Variants in USO1 observed in about 807,000 individuals in gnomAD.
The protein encoded by USO1 is general vesicular transport factor p115.
Under a neutral mutation model 124.5 loss-of-function variants are expected in USO1, and 57 were observed. The ratio of observed to expected loss-of-function variants is 0.46; its 90% confidence interval spans 0.37 to 0.57. The LOEUF (loss-of-function observed/expected upper bound fraction) is 0.57, where lower values mean the gene tolerates loss of function less well. Ranked by LOEUF, USO1 falls within the 20% of genes least tolerant of loss-of-function variation. USO1 has a pLI of 0.00. For missense variants in USO1, 900 were observed against 1,040.6 expected, an observed-to-expected ratio of 0.86 and a Z score of 1.86; for synonymous variants, 369 against 362.8, an observed-to-expected ratio of 1.02 and a Z score of -0.19.
chr4:75,750,023 G>C (rs1302207261), intron 1 of USO1, among the ~76,000 whole-genome samples: 8 of 152,170 alleles, frequency 5.3e-5, no homozygotes, highest in Non-Finnish European at 1.2e-4. Flanking sequence ...AAAGTGCTAG[G>C]ATTATAGGCG....
chr4:75,779,605 A>G (rs1199217536), intron 8 of USO1, among the ~76,000 whole-genome samples: 2 of 152,170 alleles, frequency 1.3e-5, no homozygotes, highest in Non-Finnish European at 2.9e-5. Flanking sequence ...TGACGCCCTG[A>G]CTCTTCAATT....
chr4:75,781,309 C>G (rs1275466997), intron 8 of USO1, among the ~76,000 whole-genome samples: 3 of 152,114 alleles, frequency 2.0e-5, no homozygotes, highest in Non-Finnish European at 4.4e-5. Context: ...GGGGTTATTA[C>G]TTATGGATGA....
chr4:75,765,648 T>TC, intron 4 of USO1, among the ~76,000 whole-genome samples: 1 of 151,570 alleles, frequency 6.6e-6, no homozygotes. Flanking sequence ...TTTTTTTTTT[T>TC]TTTCCAACTC....
At chr4:75,756,687 A>G (rs748816467) in intron 3 of USO1, among the ~76,000 whole-genome samples, 60 of 151,464 alleles carry the variant, frequency 4.0e-4, no homozygotes, top group African/African-American at 1.4e-3. Flanking sequence ...TGTATTTTTA[A>G]TAGAGACGGG....
At chr4:75,727,711 T>A (rs1720504299) in intron 1 of USO1, among the ~76,000 whole-genome samples, 1 of 152,214 alleles carries the variant, frequency 6.6e-6, no homozygotes, top group Non-Finnish European at 1.5e-5. Flanking sequence ...TTGTAGTTTT[T>A]TCCATTTCTG....
rs1722381264 is a variant in USO1 at position 75,787,034 on chromosome 4, C to G, written c.856-28C>G. On this transcript the variant is annotated intron_variant, in intron 9 of 23. Coordinates refer to ENST00000514213, the MANE Select transcript of USO1 (RefSeq NM_003715.4). ...CAAGCCTTTTCAAATCTTTAAAAGA[C>G]AAATTTTGTTTTCTCTTTCTTTCAC... is the stretch of plus-strand genomic sequence containing the variant. 12 of 1,553,670 alleles carry G rather than the reference C, an allele frequency of 7.7e-6. No homozygotes were observed. In the East Asian group the frequency reaches 2.8e-4, roughly 36 times the overall value.
chr4:75,750,250 A>G (rs2149152628), intron 1 of USO1, among the ~76,000 whole-genome samples: 1 of 152,130 alleles, frequency 6.6e-6, no homozygotes, highest in Admixed American at 6.5e-5. Context: ...ACTGAGCAAT[A>G]TAGTTAGACC....
At chr4:75,734,718 C>T (rs1231183739) in intron 1 of USO1, among the ~76,000 whole-genome samples, 61 of 47,444 alleles carry the variant, frequency 1.3e-3, no homozygotes, top group East Asian at 2.2e-3. Context: ...GGCAGTATGG[C>T]TTTTTTTTTT....
intron 3 of USO1, among the ~76,000 whole-genome samples, chr4:75,756,808 G>A (rs548401195): frequency 1.3e-4 from 19 of 151,706 alleles, no homozygotes; most frequent in Non-Finnish European, 2.1e-4. Context: ...CAACCGCACC[G>A]GGCACCATAA....
At position 75,730,645 on chromosome 4, in the gene USO1, T is replaced by C. The variant is rs1388756739; in HGVS notation, c.66+5760T>C. On this transcript the variant is annotated intron_variant, in intron 1 of 23. Coordinates refer to ENST00000514213, the MANE Select transcript of USO1 (RefSeq NM_003715.4). Reference sequence around the variant, plus strand: ...ATATACATTTGTTGATACCAAATACTGTTCCTCTTTCTTTTTATGTATTTA... The same window carrying C: ...ATATACATTTGTTGATACCAAATACCGTTCCTCTTTCTTTTTATGTATTTA... Among the ~76,000 whole-genome samples the C allele has an allele frequency of 5.9e-5, 9 of 152,262 alleles. No homozygotes were observed. In the East Asian group the frequency reaches 1.7e-3, roughly 29 times the overall value.
At chr4:75,738,963 C>T (rs911983630) in intron 1 of USO1, among the ~76,000 whole-genome samples, 10 of 152,076 alleles carry the variant, frequency 6.6e-5, no homozygotes, top group Non-Finnish European at 1.5e-4. Flanking sequence ...AGCGATTCTC[C>T]TGCCTCAGCC....
At chr4:75,802,779 G>C (rs1304680233) in intron 17 of USO1, among the ~76,000 whole-genome samples, 1 of 65,354 alleles carries the variant, frequency 1.5e-5, no homozygotes, top group Non-Finnish European at 2.7e-5. Flanking sequence ...TTTCGCTCTT[G>C]TTGCCCAGGC....
intron 9 of USO1, among the ~76,000 whole-genome samples, chr4:75,783,748 G>A (rs1027047365): frequency 1.3e-5 from 2 of 152,062 alleles, no homozygotes; most frequent in East Asian, 1.9e-4. Context: ...TACATTACTC[G>A]TTTTGTAATT....
At chr4:75,780,640 C>CTTTTTTGT (rs1722194687) in intron 8 of USO1, among the ~76,000 whole-genome samples, 1 of 59,138 alleles carries the variant, frequency 1.7e-5, no homozygotes, top group Non-Finnish European at 2.9e-5. Context: ...TAAATTTTGA[C>CTTTTTTGT]TTTTTTTTTT....
chr4:75,760,245 T>C (rs1299802893), intron 4 of USO1, among the ~76,000 whole-genome samples: 4 of 152,116 alleles, frequency 2.6e-5, no homozygotes, highest in African/African-American at 9.7e-5. Context: ...AAAATAAAAA[T>C]AGACATTGAG....
intron 17 of USO1, among the ~76,000 whole-genome samples, chr4:75,802,380 CTA>C (rs1166739253): frequency 6.6e-6 from 1 of 152,082 alleles, no homozygotes; most frequent in Non-Finnish European, 1.5e-5. Context: ...GATATAGAGT[CTA>C]TACTTGGGGC....
At chr4:75,778,795 T>C (rs891508804) in intron 8 of USO1, among the ~76,000 whole-genome samples, 3 of 152,202 alleles carry the variant, frequency 2.0e-5, no homozygotes, top group African/African-American at 7.2e-5. Context: ...AGTGTATTAG[T>C]ATTCATTTAT....
At chr4:75,740,744 A>C (rs905419347) in intron 1 of USO1, among the ~76,000 whole-genome samples, 11 of 152,212 alleles carry the variant, frequency 7.2e-5, no homozygotes, top group Admixed American at 6.5e-5. Flanking sequence ...TCTAATATGG[A>C]AATTTCTTTA....
At chr4:75,771,673 T>C (rs565483089) in intron 7 of USO1, among the ~76,000 whole-genome samples, 1 of 152,368 alleles carries the variant, frequency 6.6e-6, no homozygotes, top group South Asian at 2.1e-4. Context: ...CCTTATTTGA[T>C]TGAGTGTGTA....
Sources: gnomAD v4.1 joint callset for allele counts (sites outside exome capture counted in the v4.1 genomes callset) on GRCh38, gnomAD v4.1.1 for gene constraint, MANE v1.5 for transcripts, NCBI Gene and HGNC (gene_info 2026-07-23, HGNC 2026-07-21) for gene names.